Variants in SEMA6D observed in about 807,000 individuals in gnomAD.
SEMA6D encodes semaphorin 6D.
SEMA6D carries 35 observed loss-of-function variants against 106.6 expected under a neutral mutation model. The ratio of observed to expected loss-of-function variants is 0.33; its 90% confidence interval spans 0.25 to 0.44. SEMA6D has a LOEUF of 0.44. Ranked by LOEUF, SEMA6D falls within the 20% of genes least tolerant of loss-of-function variation. SEMA6D has a pLI of 1.00. For missense variants in SEMA6D, 1,185 were observed against 1,345.9 expected (o/e 0.88, Z 1.87); for synonymous variants, 499 against 487.7 (o/e 1.02, Z -0.31).
At chr15:47,666,846 T>C (rs965139632) in intron 4 of SEMA6D, among the ~76,000 whole-genome samples, 6 of 152,212 alleles carry the variant, frequency 3.9e-5, no homozygotes, top group Admixed American at 6.5e-5. Context: ...TATCATCCCA[T>C]GGCCTTCACA....
chr15:47,458,029 C>A (rs2042396134), intron 2 of SEMA6D, among the ~76,000 whole-genome samples: 1 of 151,832 alleles, frequency 6.6e-6, no homozygotes, highest in African/African-American at 2.4e-5. Context: ...AAATTTTCAA[C>A]CAAGAATTTA....
intron 2 of SEMA6D, among the ~76,000 whole-genome samples, chr15:47,468,059 G>T (rs1461592084): frequency 6.6e-6 from 1 of 152,128 alleles, no homozygotes; most frequent in African/African-American, 2.4e-5. Flanking sequence ...TTATGCCACT[G>T]ATTGTCACTT....
At chr15:47,552,802 A>ATG (rs1400150964) in intron 3 of SEMA6D, among the ~76,000 whole-genome samples, 3 of 35,962 alleles carry the variant, frequency 8.3e-5, no homozygotes, top group African/African-American at 4.2e-4. Flanking sequence ...TTATATATAT[A>ATG]TAAAAATATA....
At chr15:47,227,472 TTC>T (rs1215453564) in intron 1 of SEMA6D, among the ~76,000 whole-genome samples, 4 of 117,544 alleles carry the variant, frequency 3.4e-5, no homozygotes, top group Non-Finnish European at 7.1e-5. Context: ...TTCTTTTTCT[TTC>T]TCTTTCTTTT....
intron 1 of SEMA6D, among the ~76,000 whole-genome samples, chr15:47,376,231 C>G (rs2039444560): frequency 6.6e-6 from 1 of 152,338 alleles, no homozygotes; most frequent in East Asian, 1.9e-4. Flanking sequence ...TGTGGCAGTT[C>G]TCTCATTCCA....
chr15:47,535,687 ATAAAT>A (rs567593737), intron 3 of SEMA6D, among the ~76,000 whole-genome samples: 47 of 152,042 alleles, frequency 3.1e-4, no homozygotes, highest in African/African-American at 1.1e-3. Context: ...CAAAAAAAAA[ATAAAT>A]TAAGACATAG....
intron 1 of SEMA6D, among the ~76,000 whole-genome samples, chr15:47,378,341 C>T (rs989037802): frequency 1.3e-5 from 2 of 152,088 alleles, no homozygotes; most frequent in Non-Finnish European, 2.9e-5. Flanking sequence ...ACTGAAACTA[C>T]AAAAATTAGC....
At chr15:47,610,267 C>T (rs2076869392) in intron 4 of SEMA6D, among the ~76,000 whole-genome samples, 1 of 152,214 alleles carries the variant, frequency 6.6e-6, no homozygotes. Context: ...AGATTATCCC[C>T]ACTGGCTCTC....
chr15:47,518,574 G>C (rs573877831), intron 3 of SEMA6D, among the ~76,000 whole-genome samples: 1 of 152,292 alleles, frequency 6.6e-6, no homozygotes, highest in African/African-American at 2.4e-5. Context: ...GGCAGTTTTA[G>C]AACAACGGTA....
intron 1 of SEMA6D, among the ~76,000 whole-genome samples, chr15:47,212,974 T>C (rs989410016): frequency 6.6e-6 from 1 of 152,182 alleles, no homozygotes; most frequent in African/African-American, 2.4e-5. Flanking sequence ...ACTATTCCTG[T>C]CTCATATATT....
chr15:47,770,715 A>G lies in SEMA6D; in HGVS notation c.2152A>G (p.Asn718Asp), dbSNP rs777542383. Residue 718 changes from asparagine to aspartate, a missense_variant, in exon 19 of 19, where the codon AAT (asparagine) becomes GAT (aspartate). By Grantham distance (23) the Asn-to-Asp change is conservative. Transcript: ENST00000536845. ...TDSSGSFAKL[N>D]GLFDSPVKEY... ...CTCCAGTGGAAGTTTTGCCAAACTG[A>G]ATGGTCTCTTTGACAGCCCTGTCAA... 1 of 1,614,114 alleles carries G rather than the reference A, an allele frequency of 6.2e-7. No homozygotes were observed. Among genetic ancestry groups the G allele is most frequent in the Non-Finnish European group, 8.5e-7 (1 of 1,179,996 alleles).
At chr15:47,458,626 A>G (rs557922550) in intron 2 of SEMA6D, among the ~76,000 whole-genome samples, 1 of 152,176 alleles carries the variant, frequency 6.6e-6, no homozygotes, top group East Asian at 1.9e-4. Flanking sequence ...GTCAAAGAAG[A>G]AATCAAAAGG....
intron 3 of SEMA6D, among the ~76,000 whole-genome samples, chr15:47,508,424 C>T (rs930422252): frequency 1.6e-4 from 24 of 152,112 alleles, no homozygotes; most frequent in African/African-American, 5.6e-4. Flanking sequence ...TAGCCAGAGC[C>T]GCACTCCAAG....
At chr15:47,714,662 A>G (rs1198554379), upstream of SEMA6D, among the ~76,000 whole-genome samples, 1 of 152,204 alleles carries the variant, frequency 6.6e-6, no homozygotes, top group African/African-American at 2.4e-5. Context: ...TCTGGTGAAA[A>G]CACTCAATTA....
At chr15:47,185,407 A>T (rs1206586332) in intron 1 of SEMA6D, among the ~76,000 whole-genome samples, 2 of 152,148 alleles carry the variant, frequency 1.3e-5, no homozygotes, top group African/African-American at 4.8e-5. Flanking sequence ...AGTAACGAAG[A>T]TGGAGTTTTA....
At chr15:47,222,329 G>C (rs2031283144) in intron 1 of SEMA6D, among the ~76,000 whole-genome samples, 1 of 152,184 alleles carries the variant, frequency 6.6e-6, no homozygotes, top group African/African-American at 2.4e-5. Flanking sequence ...ACTGGGTACA[G>C]GACTTGTGCT....
At chr15:47,434,316 G>C (rs1274840346) in intron 2 of SEMA6D, among the ~76,000 whole-genome samples, 1 of 152,140 alleles carries the variant, frequency 6.6e-6, no homozygotes, top group African/African-American at 2.4e-5. Context: ...GTTTAATCCT[G>C]TTGAAATGGG....
chr15:47,761,097 C>T (rs1597047587), intron 4 of SEMA6D, 59 bp downstream of exon 4: 2 of 1,611,256 alleles, frequency 1.2e-6, no homozygotes, highest in East Asian at 4.5e-5. Flanking sequence ...TTAATTTTCC[C>T]ACTGCCTCCC....
rs530267035 is a variant in SEMA6D at position 47,598,589 on chromosome 15, A to T, written c.-86-2276A>T. Among the ~76,000 whole-genome samples, 9 of 152,266 alleles carry T rather than the reference A, an allele frequency of 5.9e-5. No homozygotes were observed. The South Asian group carries it at 1.7e-3, about 28-fold the overall frequency. On this transcript the variant is annotated intron_variant, in intron 3 of 19. Coordinates refer to the SEMA6D transcript ENST00000558014. The stretch of plus-strand genomic sequence containing the variant: ...TACAAAATGATTCCTACATTAGTTC[A>T]TCTCTCTGCATAAAAGCGTCTTCAC...
Sources: allele counts gnomAD v4.1 joint callset (sites outside exome capture counted in the v4.1 genomes callset), GRCh38; gene constraint gnomAD v4.1.1; transcripts MANE v1.5; gene names NCBI Gene and HGNC (gene_info 2026-07-23, HGNC 2026-07-21).